The following CDHR3 variants were observed in gnomAD, a reference collection of about 807,000 sequenced individuals.
The protein encoded by CDHR3 is cadherin-related family member 3.
CDHR3 carries 79 observed loss-of-function variants against 86.6 expected under a neutral mutation model. The observed-to-expected ratio is 0.91, with a 90% CI of 0.76 to 1.10. CDHR3 has a LOEUF of 1.10. CDHR3 is among the 50% of genes least tolerant of loss of function. CDHR3 has a pLI of 0.00. For missense variants in CDHR3, 1,081 were observed against 1,077.6 expected (o/e 1.00, Z -0.04); for synonymous variants, 421 against 402.4 (o/e 1.05, Z -0.55).
chr7:106,008,230 T>C (rs1443924519), intron 8 of CDHR3, among the ~76,000 whole-genome samples: 2 of 152,118 alleles, frequency 1.3e-5, no homozygotes, highest in East Asian at 3.9e-4. Context: ...CCAACTCCCT[T>C]GCCTTCCAGC....
At chr7:105,969,105 A>AAAAATC (rs1307212031) in intron 1 of CDHR3, among the ~76,000 whole-genome samples, 2 of 145,474 alleles carry the variant, frequency 1.4e-5, no homozygotes, top group African/African-American at 5.1e-5. Flanking sequence ...AAATAAAAAT[A>AAAAATC]AAAAAAGTGG....
At chr7:106,020,665 A>G in intron 13 of CDHR3, 121 bp downstream of exon 13, 1 of 1,134,386 alleles carries the variant, frequency 8.8e-7, no homozygotes, top group Non-Finnish European at 1.2e-6. Flanking sequence ...GGAGGGCATT[A>G]TTTTTTTGAG....
intron 4 of CDHR3, among the ~76,000 whole-genome samples, chr7:105,987,992 G>A (rs1174073817): frequency 3.9e-5 from 6 of 152,172 alleles, no homozygotes; most frequent in Non-Finnish European, 4.4e-5. Flanking sequence ...CCTGGCTCAG[G>A]TGATCCTTCC....
chr7:106,014,475 A>T (rs1290881346), intron 9 of CDHR3, among the ~76,000 whole-genome samples: 1 of 152,208 alleles, frequency 6.6e-6, no homozygotes, highest in Non-Finnish European at 1.5e-5. Context: ...AAGTTATGTG[A>T]CACTGGGCAT....
In CDHR3 at chr7:106,032,850, C is replaced by A. The variant is rs138895445; in HGVS notation, c.*153C>A. On this transcript the variant is annotated 3_prime_UTR_variant, in exon 19 of 19. Coordinates refer to ENST00000317716, the MANE Select transcript of CDHR3 (RefSeq NM_152750.5). ...ATGGGATGTTTGACAAATTTTTAAACAAATAGAAAGGGGTTTGATCACATA... is the reference window on the plus strand; with the variant it reads ...ATGGGATGTTTGACAAATTTTTAAAAAAATAGAAAGGGGTTTGATCACATA... The A allele has an allele frequency of 2.3e-4, 165 of 702,650 alleles. No homozygotes were observed. In the African/African-American group the frequency reaches 2.4e-3, roughly 10 times the overall value. The allele number at this position is 702,650 out of a possible 1,614,324, so 43.5% of individuals were successfully genotyped here.
intron 18 of CDHR3, among the ~76,000 whole-genome samples, chr7:106,031,085 G>GGC (rs1335352513): frequency 1.3e-5 from 2 of 152,142 alleles, no homozygotes; most frequent in Admixed American, 1.3e-4. Context: ...CCACCTAAAG[G>GGC]CTCACGTTCA....
chr7:105,975,062 C>T lies in CDHR3; in HGVS notation c.249+16C>T, dbSNP rs754665371. On this transcript the variant is annotated intron_variant, in intron 2 of 18. Transcript: ENST00000317716. ...CTACTTTGAGGTAAGTAACAACTTA[C>T]CAACATGAGTGTTGCCTGCAAAGAG... 1.9e-6 allele frequency: 3 copies of T among 1,596,424 alleles called. No individual in the cohort carries two copies. In the African/African-American group the frequency reaches 4.0e-5, roughly 21 times the overall value.
chr7:106,001,205 A>G (rs1347083648), intron 6 of CDHR3, among the ~76,000 whole-genome samples: 1 of 152,230 alleles, frequency 6.6e-6, no homozygotes, highest in Non-Finnish European at 1.5e-5. Context: ...GCAGAGGTGC[A>G]TAGAGTCAGA....
At chr7:106,006,173 A>T (rs1294710692) in intron 8 of CDHR3, among the ~76,000 whole-genome samples, 6 of 152,148 alleles carry the variant, frequency 3.9e-5, no homozygotes, top group Non-Finnish European at 1.5e-5. Context: ...TCACGAGAAC[A>T]ACTCAGGAAA....
At chr7:106,032,188 G>T (rs1838476770) in intron 18 of CDHR3, among the ~76,000 whole-genome samples, 1 of 152,212 alleles carries the variant, frequency 6.6e-6, no homozygotes, top group South Asian at 2.1e-4. Context: ...CTACCTGTGT[G>T]GTCCGAGCAG....
chr7:106,020,362 T>C lies in CDHR3; in HGVS notation c.1654-11T>C, dbSNP rs1185231409. 6.3e-7 allele frequency: 1 copy of C among 1,590,508 alleles called. No homozygotes were observed. Among genetic ancestry groups the C allele is most frequent in the South Asian group, 1.1e-5 (1 of 88,084 alleles). ...TAGCTATTGAGAATGACCACCTTCTTGCTACTCTAGGTTACTGTGAACATC... is the reference window on the plus strand; with the variant it reads ...TAGCTATTGAGAATGACCACCTTCTCGCTACTCTAGGTTACTGTGAACATC... On this transcript the variant is annotated splice_polypyrimidine_tract_variant and intron_variant, in intron 12 of 18. Transcript: ENST00000317716.
At chr7:105,970,932 G>C (rs2115616866) in intron 1 of CDHR3, among the ~76,000 whole-genome samples, 1 of 152,134 alleles carries the variant, frequency 6.6e-6, no homozygotes, top group East Asian at 1.9e-4. Flanking sequence ...ACAAGGTCAG[G>C]AGATCAAGAC....
At chr7:105,987,932 C>T (rs1830759620) in intron 4 of CDHR3, among the ~76,000 whole-genome samples, 1 of 152,176 alleles carries the variant, frequency 6.6e-6, no homozygotes, top group Non-Finnish European at 1.5e-5. Context: ...CCTCTATCAC[C>T]CAGGCTAGAG....
At chr7:105,995,285 G>T (rs1427020856) in intron 5 of CDHR3, among the ~76,000 whole-genome samples, 1 of 152,078 alleles carries the variant, frequency 6.6e-6, no homozygotes, top group African/African-American at 2.4e-5. Context: ...CACTCCACAG[G>T]TCAGTCAGTA....
At chr7:105,997,749 A>G (rs1217712428) in intron 6 of CDHR3, among the ~76,000 whole-genome samples, 1 of 152,080 alleles carries the variant, frequency 6.6e-6, no homozygotes, top group African/African-American at 2.4e-5. Flanking sequence ...AGAGCTTGTA[A>G]ACCATCTGGT....
chr7:106,013,164 T>C, intron 9 of CDHR3, 133 bp downstream of exon 9: 1 of 725,180 alleles, frequency 1.4e-6, no homozygotes. Flanking sequence ...ACAGGCTTAA[T>C]AGTGAGTCTG....
At chr7:106,003,803 T>C (rs1206090899) in intron 7 of CDHR3, among the ~76,000 whole-genome samples, 1 of 152,084 alleles carries the variant, frequency 6.6e-6, no homozygotes, top group African/African-American at 2.4e-5. Flanking sequence ...GTGCACTGCC[T>C]CTGAAAACAT....
At chr7:106,021,300 T>C (rs1836526821) in intron 13 of CDHR3, among the ~76,000 whole-genome samples, 1 of 152,188 alleles carries the variant, frequency 6.6e-6, no homozygotes, top group Non-Finnish European at 1.5e-5. Context: ...TGCTGCCTGC[T>C]GTGCCCTTGG....
At position 106,022,314 on chromosome 7, in the gene CDHR3, C is replaced by T; in HGVS notation, c.1942C>T (p.Leu648=). ...GTTTGATAAGATCTGGGACTACAAGCTACTTGTCTACGTAACTGATGACAA... is the reference window on the plus strand; with the variant it reads ...GTTTGATAAGATCTGGGACTACAAGTTACTTGTCTACGTAACTGATGACAA... The part of the protein sequence containing the change: ...GGFDKIWDYK[L]LVYVTDDNLM... The change falls in exon 14 of 19, where the codon CTA becomes TTA. Residue 648 remains leucine (L), a synonymous_variant. Transcript: ENST00000317716. 1 of 1,614,044 alleles carries T rather than the reference C, an allele frequency of 6.2e-7. No individual in the cohort carries two copies. The highest frequency in any genetic ancestry group is 1.1e-5 in the South Asian group (1 of 91,086).
Sources: gnomAD v4.1 joint callset for allele counts (sites outside exome capture counted in the v4.1 genomes callset) on GRCh38, gnomAD v4.1.1 for gene constraint, MANE v1.5 for transcripts, NCBI Gene and HGNC (gene_info 2026-07-23, HGNC 2026-07-21) for gene names.